The following KCNAB1 variants were observed in gnomAD, a reference collection of about 807,000 sequenced individuals.
KCNAB1 encodes potassium voltage-gated channel subfamily A regulatory beta subunit 1, also known as voltage-gated potassium channel subunit beta-1.
KCNAB1 carries 35 observed loss-of-function variants against 64.6 expected under a neutral mutation model. That is an observed-to-expected ratio of 0.54 (90% CI 0.41 to 0.72). The LOEUF (loss-of-function observed/expected upper bound fraction) is 0.72, where lower values mean the gene tolerates loss of function less well. KCNAB1 is among the 30% of genes least tolerant of loss of function. KCNAB1 has a pLI of 0.00. For missense variants in KCNAB1, 401 were observed against 512.9 expected (o/e 0.78, Z 2.11); for synonymous variants, 177 against 183.8 (o/e 0.96, Z 0.30).
At chr3:156,136,324 C>T (rs945641577) in intron 1 of KCNAB1, among the ~76,000 whole-genome samples, 11 of 152,104 alleles carry the variant, frequency 7.2e-5, no homozygotes, top group East Asian at 1.9e-4. Flanking sequence ...CTATAGTTTC[C>T]GGGGGAAGAA....
intron 1 of KCNAB1, among the ~76,000 whole-genome samples, chr3:156,136,975 G>A (rs1714380772): frequency 6.6e-6 from 1 of 152,086 alleles, no homozygotes; most frequent in African/African-American, 2.4e-5. Flanking sequence ...CTATGCCAAG[G>A]TAGAGATCTA....
At chr3:156,283,308 G>T in intron 1 of KCNAB1, among the ~76,000 whole-genome samples, 1 of 151,358 alleles carries the variant, frequency 6.6e-6, no homozygotes, top group Non-Finnish European at 1.5e-5. Context: ...CTCTCTTCTG[G>T]CTTGTAGGGT....
At chr3:156,142,849 T>A in intron 1 of KCNAB1, 2 of 308,892 alleles carry the variant, frequency 6.5e-6, no homozygotes, top group South Asian at 2.6e-4. Context: ...TAGAAAGACA[T>A]GGGAAAAAGT....
At chr3:156,370,115 C>T (rs555813481) in intron 1 of KCNAB1, among the ~76,000 whole-genome samples, 1 of 152,174 alleles carries the variant, frequency 6.6e-6, no homozygotes, top group African/African-American at 2.4e-5. Flanking sequence ...CTAAAATTCT[C>T]CCTCTTGTGT....
At chr3:156,313,650 G>A (rs1722077166) in intron 1 of KCNAB1, among the ~76,000 whole-genome samples, 1 of 152,174 alleles carries the variant, frequency 6.6e-6, no homozygotes, top group Admixed American at 6.5e-5. Context: ...CCTCCGGGAG[G>A]AATCAACCCC....
chr3:156,185,047 G>T (rs931614159), intron 1 of KCNAB1, among the ~76,000 whole-genome samples: 1 of 152,184 alleles, frequency 6.6e-6, no homozygotes, highest in African/African-American at 2.4e-5. Flanking sequence ...AAAGCTCAAG[G>T]CCACACAGAA....
rs144942562 is a variant in KCNAB1 at position 156,523,849 on chromosome 3, G to A, written c.983G>A (p.Arg328Lys). The part of the protein sequence containing the change: ...SLKCYQWLKE[R>K]IVSEEGRKQQ... Reference sequence around the variant, plus strand: ...CAGTGCTACCAGTGGTTGAAAGAAAGAATTGTAAGTGAAGAAGGGAGAAAA... The same window carrying A: ...CAGTGCTACCAGTGGTTGAAAGAAAAAATTGTAAGTGAAGAAGGGAGAAAA... Residue 328 changes from arginine (R) to lysine (K), a missense_variant, in exon 12 of 14, where the codon AGA (arginine) becomes AAA (lysine). Physicochemically the swap from Arg to Lys is conservative, Grantham distance 26. Coordinates refer to ENST00000490337, the MANE Select transcript of KCNAB1 (RefSeq NM_172160.3). 19 of 1,613,418 alleles carry A rather than the reference G, an allele frequency of 1.2e-5. No homozygotes were observed. The African/African-American group carries it at 2.1e-4, about 18-fold the overall frequency.
At chr3:156,289,691 G>T (rs754217419) in intron 1 of KCNAB1, among the ~76,000 whole-genome samples, 1 of 152,166 alleles carries the variant, frequency 6.6e-6, no homozygotes, top group South Asian at 2.1e-4. Flanking sequence ...GTGTGGGAAG[G>T]TTGTGGAGAG....
intron 1 of KCNAB1, among the ~76,000 whole-genome samples, chr3:156,369,658 G>A (rs886281513): frequency 4.6e-5 from 7 of 152,328 alleles, no homozygotes; most frequent in African/African-American, 1.7e-4. Context: ...CCTGAATTTA[G>A]GGGAAGAGAT....
intron 1 of KCNAB1, among the ~76,000 whole-genome samples, chr3:156,139,585 T>TTTTG: frequency 1.8e-4 from 5 of 28,396 alleles, no homozygotes; most frequent in Non-Finnish European, 2.4e-4. Context: ...TTGTACTGTG[T>TTTTG]TTTTTTTTTT....
At position 156,533,130 on chromosome 3, in the gene KCNAB1, G is replaced by A. The variant is rs75423601; in HGVS notation, c.1170+1633G>A. ...CAAGGGATGTTTTACGTGCCAGTAGGAGAGACAGATAAATAGCAAAATGAT... is the reference window on the plus strand; with the variant it reads ...CAAGGGATGTTTTACGTGCCAGTAGAAGAGACAGATAAATAGCAAAATGAT... On this transcript the variant is annotated intron_variant, in intron 13 of 13. Transcript: ENST00000490337. Among the ~76,000 whole-genome samples the A allele has an allele frequency of 3.3e-4, 50 of 152,330 alleles. No individual in the cohort carries two copies. In the East Asian group the frequency reaches 7.3e-3, roughly 22 times the overall value.
chr3:156,476,087 A>G (rs955776355), intron 8 of KCNAB1, among the ~76,000 whole-genome samples: 4 of 152,184 alleles, frequency 2.6e-5, no homozygotes, highest in Admixed American at 2.0e-4. Context: ...TAAGCATTTT[A>G]TTAGTATAAG....
chr3:156,407,646 A>C (rs147458304), intron 1 of KCNAB1, among the ~76,000 whole-genome samples: 124 of 152,308 alleles, frequency 8.1e-4, no homozygotes, highest in African/African-American at 2.8e-3. Context: ...ATTGAATTGA[A>C]TTGTGCTGAA....
intron 1 of KCNAB1, among the ~76,000 whole-genome samples, chr3:156,218,734 C>T (rs1288082518): frequency 6.9e-6 from 1 of 144,012 alleles, no homozygotes; most frequent in African/African-American, 2.6e-5. Flanking sequence ...AGACACTCCG[C>T]AGTACCAGCC....
chr3:156,301,838 G>T (rs1204166960), intron 1 of KCNAB1, among the ~76,000 whole-genome samples: 5 of 152,152 alleles, frequency 3.3e-5, no homozygotes, highest in Non-Finnish European at 5.9e-5. Flanking sequence ...CCTTCCGTGG[G>T]TTCTGTTTCA....
intron 1 of KCNAB1, among the ~76,000 whole-genome samples, chr3:156,135,814 A>T (rs1011716780): frequency 3.3e-5 from 5 of 152,202 alleles, no homozygotes; most frequent in African/African-American, 1.2e-4. Context: ...GATAAGCCCC[A>T]TGGCAGAGCA....
intron 1 of KCNAB1, among the ~76,000 whole-genome samples, chr3:156,219,283 A>T (rs184508213): frequency 9.4e-4 from 143 of 152,204 alleles, no homozygotes; most frequent in Non-Finnish European, 1.5e-3. Context: ...AACTTCTGGA[A>T]ATCAAGGACA....
At chr3:156,166,263 C>T (rs556491291) in intron 1 of KCNAB1, among the ~76,000 whole-genome samples, 165 of 152,264 alleles carry the variant, frequency 1.1e-3, no homozygotes, top group African/African-American at 3.9e-3. Context: ...TGAGGCAGCA[C>T]ATCTCTCTTT....
intron 8 of KCNAB1, among the ~76,000 whole-genome samples, chr3:156,492,732 T>A (rs1715722699): frequency 6.6e-6 from 1 of 152,122 alleles, no homozygotes; most frequent in Admixed American, 6.6e-5. Context: ...ATGAATATAT[T>A]AATAAGATAG....
Sources: gnomAD v4.1 joint callset for allele counts (sites outside exome capture counted in the v4.1 genomes callset) on GRCh38, gnomAD v4.1.1 for gene constraint, MANE v1.5 for transcripts, NCBI Gene and HGNC (gene_info 2026-07-23, HGNC 2026-07-21) for gene names.